The following WDR1 variants were observed in gnomAD, a reference collection of about 807,000 sequenced individuals.
The protein encoded by WDR1 is WD repeat domain 1.
In WDR1, 21 loss-of-function variants were observed where a neutral mutation model predicts 71.9. The ratio of observed to expected loss-of-function variants is 0.29; its 90% CI spans 0.21 to 0.42. The LOEUF (loss-of-function observed/expected upper bound fraction) is 0.42, where lower values mean the gene tolerates loss of function less well. WDR1 is among the 10% of genes least tolerant of loss of function. The pLI, the probability that WDR1 is intolerant of heterozygous loss-of-function variation, is 1.00. For synonymous variants in WDR1, 424 were observed against 347.4 expected, an observed-to-expected ratio of 1.22 and a Z score of -2.45; for missense variants, 696 against 824.5, an observed-to-expected ratio of 0.84 and a Z score of 1.91.
At chr4:10,114,689 T>G (rs571462490) in intron 2 of WDR1, among the ~76,000 whole-genome samples, 1 of 152,262 alleles carries the variant, frequency 6.6e-6, no homozygotes, top group South Asian at 2.1e-4. Flanking sequence ...AGGACCTGCC[T>G]TCGGAGACTT....
intron 2 of WDR1, among the ~76,000 whole-genome samples, chr4:10,111,710 A>G (rs947922234): frequency 4.0e-5 from 6 of 151,896 alleles, no homozygotes; most frequent in African/African-American, 1.5e-4. Flanking sequence ...CATTACCCCC[A>G]ACCCGCAGGA....
rs1398716114 is a variant in WDR1, at chr4:10,094,311, C to G, written c.558+3400G>C. The stretch of plus-strand genomic sequence containing the variant: ...ACTCCAGAGGGGGCGTGTGGTCATC[C>G]TAGACCACCAAACCAACTGCTCACC... On this transcript the variant is annotated intron_variant, in intron 5 of 14. Transcript: ENST00000499869. 2.6e-5 allele frequency among the ~76,000 whole-genome samples: 4 copies of G among 152,276 alleles called. No homozygotes were observed. The East Asian group carries it at 5.8e-4, about 22-fold the overall frequency.
intron 8 of WDR1, among the ~76,000 whole-genome samples, chr4:10,087,251 C>T (rs1387131932): frequency 6.6e-6 from 1 of 152,120 alleles, no homozygotes; most frequent in Admixed American, 6.5e-5. Flanking sequence ...AAGGCCCAGG[C>T]CCAAGGCCAC....
chr4:10,107,542 G>A (rs775055523), intron 2 of WDR1, among the ~76,000 whole-genome samples: 64 of 152,244 alleles, frequency 4.2e-4, no homozygotes, highest in Admixed American at 2.8e-3. Flanking sequence ...CCACTCCTTG[G>A]GCTGACTACC....
intron 2 of WDR1, among the ~76,000 whole-genome samples, chr4:10,113,169 G>A (rs941131722): frequency 6.6e-5 from 10 of 152,166 alleles, no homozygotes; most frequent in African/African-American, 2.4e-4. Context: ...GATCAGCCTG[G>A]CCAACACGGC....
At chr4:10,091,305 A>C (rs1711962610) in intron 5 of WDR1, among the ~76,000 whole-genome samples, 1 of 152,182 alleles carries the variant, frequency 6.6e-6, no homozygotes, top group Non-Finnish European at 1.5e-5. Context: ...CTGTGTTCTA[A>C]GTTTTCTAGC....
chr4:10,079,595 T>C (rs560765493), intron 11 of WDR1, among the ~76,000 whole-genome samples: 39 of 152,302 alleles, frequency 2.6e-4, no homozygotes, highest in African/African-American at 8.7e-4. Context: ...TCCTTCCATC[T>C]CCCTTCCTTG....
intron 5 of WDR1, among the ~76,000 whole-genome samples, chr4:10,090,857 C>T (rs922451027): frequency 6.6e-6 from 1 of 152,264 alleles, no homozygotes; most frequent in African/African-American, 2.4e-5. Context: ...GATTGTCCTC[C>T]CTGCCTCATT....
intron 3 of WDR1, 35 bp from the exon 4 acceptor site, chr4:10,099,174 C>A (rs1366985416): frequency 9.1e-5 from 10 of 109,652 alleles, no homozygotes; most frequent in Non-Finnish European, 1.6e-4. Flanking sequence ...GGGGGGGAGG[C>A]GGTGGTGGGG....
chr4:10,105,778 C>T (rs191041103), intron 2 of WDR1, among the ~76,000 whole-genome samples: 2 of 152,296 alleles, frequency 1.3e-5, no homozygotes, highest in East Asian at 3.9e-4. Flanking sequence ...TAGGTATCTG[C>T]CCTGGAGAAA....
intron 5 of WDR1, among the ~76,000 whole-genome samples, chr4:10,095,491 C>G (rs937923516): frequency 6.6e-6 from 1 of 152,200 alleles, no homozygotes; most frequent in African/African-American, 2.4e-5. Flanking sequence ...AGCACTCACA[C>G]CTCCTCTCAC....
At chr4:10,106,661 A>G (rs1445295318) in intron 2 of WDR1, 2 of 152,170 alleles carry the variant, frequency 1.3e-5, no homozygotes, top group African/African-American at 4.8e-5. Context: ...CCTTCCCCTA[A>G]ATGGTCAGGG....
chr4:10,086,986 G>C (rs140938333), intron 8 of WDR1, among the ~76,000 whole-genome samples: 3 of 151,874 alleles, frequency 2.0e-5, no homozygotes, highest in Non-Finnish European at 4.4e-5. Flanking sequence ...CGTCAACTTG[G>C]CTGGTGTGGG....
At chr4:10,097,576 C>G in intron 5 of WDR1, 135 bp downstream of exon 5, 1 of 1,101,922 alleles carries the variant, frequency 9.1e-7, no homozygotes, top group Non-Finnish European at 1.3e-6. Flanking sequence ...CTGCACACCC[C>G]TGGGAGCCCA....
chr4:10,116,237 G>A lies in WDR1; in HGVS notation c.17-3C>T. ...CGGGAGGCTGGCGAACACCTTCTCT[G>A]CGGAGACACAAATGCGGCGGGGCAT... On this transcript the variant is annotated splice_region_variant and splice_polypyrimidine_tract_variant and intron_variant, in intron 1 of 14. Coordinates refer to ENST00000499869, the MANE Select transcript of WDR1 (RefSeq NM_017491.5). 1.2e-6 allele frequency: 2 copies of A among 1,613,388 alleles called. No individual in the cohort carries two copies. The highest frequency in any genetic ancestry group is 8.5e-7 in the Non-Finnish European group (1 of 1,179,782).
intron 9 of WDR1, chr4:10,083,677 C>T (rs2241471): frequency 0.1 from 47,945 of 467,914 alleles, 3,420 homozygotes; most frequent in East Asian, 0.31. Flanking sequence ...AGCAGAACAA[C>T]GCACAGCAGG....
chr4:10,116,533 G>A (rs1577085448), intron 1 of WDR1, 118 bp downstream of exon 1: 15 of 822,286 alleles, frequency 1.8e-5, no homozygotes, highest in Non-Finnish European at 2.2e-5. Flanking sequence ...TCCGGCCGGC[G>A]CCCGCACCCC....
chr4:10,082,513 C>T (rs1765058604), intron 10 of WDR1, among the ~76,000 whole-genome samples: 1 of 152,240 alleles, frequency 6.6e-6, no homozygotes, highest in Admixed American at 6.5e-5. Flanking sequence ...AACTGCTACT[C>T]TCCTAGCTCC....
At position 10,074,791 on chromosome 4, in the gene WDR1, G is replaced by A. The variant is rs1764734038; in HGVS notation, c.*587C>T. 1 of 152,516 alleles carries A rather than the reference G, an allele frequency of 6.6e-6. No individual in the cohort carries two copies. Among genetic ancestry groups the A allele is most frequent in the African/African-American group, 2.4e-5 (1 of 41,416 alleles). The allele number at this position is 152,516 out of a possible 1,614,324, so 9.4% of individuals were successfully genotyped here. A position where few individuals can be genotyped will look rare whatever the true frequency, so the allele number is the denominator to read the frequency against. Reference sequence around the variant, plus strand: ...CCCACAATTCCATTCTTAAAATCAAGCACAAAATCTGACAATGAAACATAT... The same window carrying A: ...CCCACAATTCCATTCTTAAAATCAAACACAAAATCTGACAATGAAACATAT... On this transcript the variant is annotated 3_prime_UTR_variant, in exon 15 of 15. Transcript: ENST00000499869.
Sources: allele counts gnomAD v4.1 joint callset (sites outside exome capture counted in the v4.1 genomes callset), GRCh38; gene constraint gnomAD v4.1.1; transcripts MANE v1.5; gene names NCBI Gene and HGNC (gene_info 2026-07-23, HGNC 2026-07-21).